The following PCNX2 variants were observed in gnomAD, a reference collection of about 807,000 sequenced individuals.
The protein encoded by PCNX2 is pecanex 2, also known as pecanex-like protein 2.
A neutral mutation model predicts 223.8 loss-of-function variants in PCNX2; 168 were observed. That is an observed-to-expected ratio of 0.75 (90% CI 0.66 to 0.85). PCNX2 has a LOEUF of 0.85. PCNX2 is among the 40% of genes least tolerant of loss of function. PCNX2 has a pLI of 0.00. For synonymous variants in PCNX2, 1,006 were observed against 1,052.6 expected (o/e 0.96, Z 0.86); for missense variants, 2,507 against 2,675.5 (o/e 0.94, Z 1.39).
chr1:233,314,379 T>C, the PCNX2 span, among the ~76,000 whole-genome samples: 2 of 152,164 alleles, frequency 1.3e-5, no homozygotes, highest in African/African-American at 4.8e-5. Context: ...AAATTATCCT[T>C]TTGTGTATAT....
chr1:233,230,179 A>G, intron 9 of PCNX2, among the ~76,000 whole-genome samples: 1 of 152,194 alleles, frequency 6.6e-6, no homozygotes, highest in South Asian at 2.1e-4. Context: ...ACATCATCAC[A>G]CATGCATAAA....
At chr1:233,085,805 G>C (rs1431177124) in intron 23 of PCNX2, among the ~76,000 whole-genome samples, 1 of 152,148 alleles carries the variant, frequency 6.6e-6, no homozygotes, top group Non-Finnish European at 1.5e-5. Flanking sequence ...CACGAAAAGA[G>C]AGAAAGATGT....
chr1:233,169,237 G>A (rs904988840), intron 17 of PCNX2, among the ~76,000 whole-genome samples: 2 of 151,930 alleles, frequency 1.3e-5, no homozygotes, highest in Non-Finnish European at 2.9e-5. Context: ...GGGGTATTGT[G>A]TGTGTGTTAT....
intron 7 of PCNX2, 126 bp downstream of exon 7, chr1:233,252,228 G>A: frequency 1.7e-6 from 2 of 1,151,240 alleles, no homozygotes; most frequent in Non-Finnish European, 2.4e-6. Flanking sequence ...AACAGTATGT[G>A]GGCAACCACA....
chr1:233,018,698 GA>G (rs767418446), intron 26 of PCNX2: 28 of 936,590 alleles, frequency 3.0e-5, no homozygotes, highest in Non-Finnish European at 3.4e-5. Flanking sequence ...CATTATAACA[GA>G]AAAATGCAGG....
In PCNX2 at chr1:233,225,484, A is replaced by G. The variant is rs560571717; in HGVS notation, c.2504+1742T>C. The stretch of plus-strand genomic sequence containing the variant: ...CTGACTCGAGTCCAGGGATTCCCCA[A>G]CCAGCTGAAGGATCTATGGATAAGG... On this transcript the variant is annotated intron_variant, in intron 10 of 33. Transcript: ENST00000258229. 2.0e-5 allele frequency among the ~76,000 whole-genome samples: 3 copies of G among 152,334 alleles called. No individual in the cohort carries two copies. In the South Asian group the frequency reaches 6.2e-4, roughly 32 times the overall value.
chr1:233,236,888 A>G lies in PCNX2; in HGVS notation c.2315T>C (p.Leu772Pro). Residue 772 changes from leucine to proline, a missense_variant, in exon 9 of 34, where the codon CTG (leucine) becomes CCG (proline). Physicochemically the swap from Leu to Pro is moderately conservative, Grantham distance 98. Transcript: ENST00000258229. The stretch of plus-strand genomic sequence containing the variant: ...GGTCCTGCGAGCCACCATCAGTAAC[A>G]GCTGTTGCTGAAGGGCACTGACGGC... ...DPAVSALQQQ[L>P]LLMVARRTQS... is the part of the protein sequence containing the mutation. The G allele has an allele frequency of 6.2e-7, 1 of 1,614,000 alleles. No homozygotes were observed. Among genetic ancestry groups the G allele is most frequent in the Non-Finnish European group, 8.5e-7 (1 of 1,179,852 alleles).
At chr1:233,295,773 C>T (rs887348549), upstream of PCNX2, 12 of 310,376 alleles carry the variant, frequency 3.9e-5, no homozygotes, top group African/African-American at 2.4e-4. This position sits in a 1 kb window ranked among gnomAD's most constrained non-coding sequence, Gnocchi z 4.1. Context: ...GAGGTTGCTT[C>T]CGAGGCTCCT....
Position 233,017,013 on chromosome 1 carries a change from C to A in PCNX2, c.4747G>T (p.Asp1583Tyr). 1 of 1,613,920 alleles carries A rather than the reference C, an allele frequency of 6.2e-7. No homozygotes were observed. The highest frequency in any genetic ancestry group is 8.5e-7 in the Non-Finnish European group (1 of 1,179,878). Residue 1583 changes from aspartate (D) to tyrosine (Y), a missense_variant, in exon 27 of 34, where the codon GAC becomes TAC. By Grantham distance (160) the Asp-to-Tyr change is radical. Transcript: ENST00000258229. ...LAMFNINIDD[D>Y]YVPCLQGITR... is the part of the protein sequence containing the mutation. ...ATCCCCTGGAGACACGGGACGTAGT[C>A]ATCATCAATGTTAATGTTGAACATT...
At chr1:233,014,519 C>T in intron 28 of PCNX2, 146 bp downstream of exon 28, 1 of 641,542 alleles carries the variant, frequency 1.6e-6, no homozygotes, top group South Asian at 2.0e-5. Context: ...TTCATGTAGG[C>T]CCAATATAAT....
rs201202169 is a variant in PCNX2 at position 233,223,038 on chromosome 1, G to A, written c.2504+4188C>T. ...GGAGGGCAGATAGAGAAAGAATGAA[G>A]ACCAAGAGCTTTGCAGCCACTGGGG... On this transcript the variant is annotated intron_variant, in intron 10 of 33. Coordinates refer to ENST00000258229, the MANE Select transcript of PCNX2 (RefSeq NM_014801.4). Among the ~76,000 whole-genome samples, 12 of 152,300 alleles carry A rather than the reference G, an allele frequency of 7.9e-5. No homozygotes were observed. The East Asian group carries it at 1.9e-3, about 24-fold the overall frequency.
chr1:233,211,848 T>A (rs1681834287), intron 12 of PCNX2: 1 of 981,010 alleles, frequency 1.0e-6, no homozygotes, highest in African/African-American at 1.7e-5. Flanking sequence ...GAGGAAAGCA[T>A]CCATGATAGT....
rs1332833873 is a variant in PCNX2, at chr1:233,000,064, C to G, written c.5328+241G>C. 6.6e-6 allele frequency among the ~76,000 whole-genome samples: 1 copy of G among 152,190 alleles called. No individual in the cohort carries two copies. The highest frequency in any genetic ancestry group is 2.4e-5 in the African/African-American group (1 of 41,448). ...GTCTACTGGGTCTTCTTGGCAAAGT[C>G]TGTGTCTGTGTGCTGGCTCTGTGAG... On this transcript the variant is annotated intron_variant, in intron 30 of 33. Transcript: ENST00000258229. The surrounding 1 kb of genome is among the most constrained non-coding windows in gnomAD (Gnocchi z 4.6).
Position 233,262,950 on chromosome 1 carries a change from A to G in PCNX2, c.359+8T>C. 6.2e-7 allele frequency: 1 copy of G among 1,610,832 alleles called. No individual in the cohort carries two copies. The highest frequency in any genetic ancestry group is 1.7e-4 in the Middle Eastern group (1 of 6,050). On this transcript the variant is annotated splice_region_variant and intron_variant, in intron 2 of 33. Coordinates refer to ENST00000258229, the MANE Select transcript of PCNX2 (RefSeq NM_014801.4). Reference sequence around the variant, plus strand: ...ATTTTGAAGTGTCACATTAATTGAAAATATTACCTTGGATTTCTGTGATTA... The same window carrying G: ...ATTTTGAAGTGTCACATTAATTGAAGATATTACCTTGGATTTCTGTGATTA...
intron 28 of PCNX2, among the ~76,000 whole-genome samples, chr1:233,012,560 T>A (rs1245001248): frequency 2.6e-5 from 4 of 152,132 alleles, no homozygotes; most frequent in Non-Finnish European, 5.9e-5. Context: ...TCCCCAGAGT[T>A]ACCTCATCAC....
intron 10 of PCNX2, among the ~76,000 whole-genome samples, chr1:233,221,744 C>G (rs1657392886): frequency 6.6e-6 from 1 of 152,166 alleles, no homozygotes; most frequent in Non-Finnish European, 1.5e-5. Flanking sequence ...GAGGACACAA[C>G]TCAGAGTGAG....
chr1:233,058,815 G>A (rs887056421), intron 23 of PCNX2, among the ~76,000 whole-genome samples: 6 of 151,790 alleles, frequency 4.0e-5, no homozygotes, highest in African/African-American at 1.2e-4. Context: ...ACAGACATGC[G>A]CCACATGCCC....
Position 233,258,052 on chromosome 1 carries a change from T to C in PCNX2, c.1810A>G (p.Asn604Asp). The change falls in exon 5 of 34, where the codon AAT becomes GAT. Residue 604 changes from asparagine to aspartate, a missense_variant. Transcript: ENST00000258229. ...SSQLNGSAEQ[N>D]EESGLLRDNC... is the part of the protein sequence containing the mutation. ...CCTCGGAGAAGCCCACTTTCTTCAT[T>C]CTGCTCAGCTGAGCCATTCAGTTGA... The C allele has an allele frequency of 6.2e-7, 1 of 1,612,984 alleles. No homozygotes were observed. Among genetic ancestry groups the C allele is most frequent in the Non-Finnish European group, 8.5e-7 (1 of 1,179,034 alleles).
rs374184532 is a variant in PCNX2, at chr1:233,025,289, C to T, written c.4462G>A (p.Ala1488Thr). 34 of 1,613,872 alleles carry T rather than the reference C, an allele frequency of 2.1e-5. No homozygotes were observed. The highest frequency in any genetic ancestry group is 1.6e-4 in the Middle Eastern group (1 of 6,084). The change falls in exon 26 of 34, where the codon GCT becomes ACT. Residue 1488 changes from alanine to threonine, a missense_variant. Physicochemically the swap from Ala to Thr is moderately conservative, Grantham distance 58. Coordinates refer to ENST00000258229, the MANE Select transcript of PCNX2 (RefSeq NM_014801.4). ...GTGAGCCAGCGGAGGTGAAAGGCAG[C>T]GTTGCAGGACAGCAGGTGAGGCAAG... The part of the protein sequence containing the change: ...GHLPHLLSCN[A>T]AFHLRWLTWE...
Sources: gnomAD v4.1 joint callset for allele counts (sites outside exome capture counted in the v4.1 genomes callset) on GRCh38, gnomAD v4.1.1 for gene constraint, Gnocchi (gnomAD v3.1) non-coding constraint, MANE v1.5 for transcripts, NCBI Gene and HGNC (gene_info 2026-07-23, HGNC 2026-07-21) for gene names.